The following SPAG16 variants were observed in gnomAD, a reference collection of about 807,000 sequenced individuals.
SPAG16 encodes the protein sperm associated antigen 16, also known as sperm-associated antigen 16 protein.
A neutral mutation model predicts 80.4 loss-of-function variants in SPAG16; 86 were observed. That is an observed-to-expected ratio of 1.07 (90% CI 0.90 to 1.28). The LOEUF (loss-of-function observed/expected upper bound fraction) is 1.28. Ranked by LOEUF, SPAG16 falls within the 50% of genes most tolerant of loss-of-function variation. The probability of loss-of-function intolerance (pLI) is 0.00; values close to 1 mark genes in which losing one functional copy is unlikely to be tolerated. For synonymous variants in SPAG16, 294 were observed against 265.9 expected, an observed-to-expected ratio of 1.11 and a Z score of -1.03; for missense variants, 870 against 765.3, an observed-to-expected ratio of 1.14 and a Z score of -1.61.
intron 10 of SPAG16, among the ~76,000 whole-genome samples, chr2:213,580,595 A>G (rs1446335487): frequency 6.6e-6 from 1 of 152,154 alleles, no homozygotes; most frequent in East Asian, 1.9e-4. Flanking sequence ...AACAATGGAT[A>G]CAGTGCTATC....
intron 15 of SPAG16, chr2:214,249,906 G>C (rs1350280445): frequency 6.6e-6 from 1 of 152,130 alleles, no homozygotes; most frequent in East Asian, 1.9e-4. Context: ...GCTTTAGCCT[G>C]ATGAAAGTTT....
At chr2:213,475,524 C>A (rs1451208086) in intron 9 of SPAG16, among the ~76,000 whole-genome samples, 1 of 152,152 alleles carries the variant, frequency 6.6e-6, no homozygotes, top group Non-Finnish European at 1.5e-5. Context: ...CCTTGCTAAT[C>A]TTGAATTTGA....
intron 11 of SPAG16, among the ~76,000 whole-genome samples, chr2:213,904,320 G>T (rs1481474805): frequency 3.9e-5 from 6 of 152,136 alleles, no homozygotes; most frequent in African/African-American, 1.4e-4. Context: ...TGGCTGGGGA[G>T]GCCTCAGAAT....
At chr2:214,061,981 GCACACACACACACACACACACA>G (rs58582439) in intron 13 of SPAG16, among the ~76,000 whole-genome samples, 2 of 111,538 alleles carry the variant, frequency 1.8e-5, no homozygotes, top group African/African-American at 6.9e-5. Flanking sequence ...ATAAAAGCAT[GCACACACACACACACACACACA>G]CACACACACA....
At chr2:214,284,797 CTGTGTGTGTGTGTG>C (rs34221048) in intron 15 of SPAG16, among the ~76,000 whole-genome samples, 15,141 of 149,696 alleles carry the variant, frequency 0.1, 820 homozygotes, top group Middle Eastern at 0.14. Flanking sequence ...ATATTTTACT[CTGTGTGTGTGTGTG>C]TGTGTGTGTG....
intron 13 of SPAG16, among the ~76,000 whole-genome samples, chr2:214,088,284 G>A (rs1157819317): frequency 2.0e-5 from 3 of 151,946 alleles, no homozygotes; most frequent in Non-Finnish European, 1.5e-5. Context: ...ATGGTATTCT[G>A]AAGAAAGTGC....
intron 14 of SPAG16, among the ~76,000 whole-genome samples, chr2:214,146,109 A>T (rs1256956838): frequency 6.6e-6 from 1 of 152,170 alleles, no homozygotes; most frequent in African/African-American, 2.4e-5. Flanking sequence ...ATCTTTAAAA[A>T]CATTTTCTTT....
Position 213,732,653 on chromosome 2 carries a change from G to A in SPAG16, c.1071-129832G>A, listed in dbSNP as rs79082788. ...ATAGCATTGAATGAATCTGTAAATT[G>A]TTTTGGGGACTATGGCCATTTTCAC... On this transcript the variant is annotated intron_variant, in intron 10 of 15. Transcript: ENST00000331683. 3.3e-3 allele frequency among the ~76,000 whole-genome samples: 499 copies of A among 152,226 alleles called. 11 individuals are homozygous for A. In the East Asian group the frequency reaches 0.04, roughly 12 times the overall value.
At chr2:213,646,057 A>G (rs2062810150) in intron 10 of SPAG16, among the ~76,000 whole-genome samples, 2 of 152,210 alleles carry the variant, frequency 1.3e-5, no homozygotes, top group East Asian at 3.9e-4. Flanking sequence ...AGTGCCTCAC[A>G]ATTGCTGTGC....
At chr2:213,305,963 C>G (rs1034332739) in intron 3 of SPAG16, among the ~76,000 whole-genome samples, 1 of 152,084 alleles carries the variant, frequency 6.6e-6, no homozygotes, top group African/African-American at 2.4e-5. Context: ...AGCAGTGAAG[C>G]CATTGTGTCC....
chr2:214,302,593 G>A (rs1327026029), intron 15 of SPAG16, among the ~76,000 whole-genome samples: 1 of 152,240 alleles, frequency 6.6e-6, no homozygotes, highest in Middle Eastern at 3.4e-3. Context: ...CGATTCTCCT[G>A]CCTCAGCCTC....
chr2:214,222,185 C>T (rs1241663946), intron 15 of SPAG16, among the ~76,000 whole-genome samples: 3 of 142,760 alleles, frequency 2.1e-5, no homozygotes, highest in East Asian at 2.1e-4. Context: ...GGCACAATCT[C>T]GGCTCACTGC....
chr2:213,958,620 A>G (rs1450767646), intron 12 of SPAG16, among the ~76,000 whole-genome samples: 1 of 152,216 alleles, frequency 6.6e-6, no homozygotes, highest in Non-Finnish European at 1.5e-5. Context: ...TTATATCTTT[A>G]CATATAATGT....
chr2:213,344,868 T>C (rs2064886251), intron 6 of SPAG16, among the ~76,000 whole-genome samples: 1 of 152,256 alleles, frequency 6.6e-6, no homozygotes, highest in Non-Finnish European at 1.5e-5. Flanking sequence ...TATAGCAGCA[T>C]GATTTATAAT....
chr2:213,835,836 A>G (rs2125737815), intron 10 of SPAG16, among the ~76,000 whole-genome samples: 2 of 152,292 alleles, frequency 1.3e-5, no homozygotes, highest in African/African-American at 4.8e-5. Flanking sequence ...TTATTTTAAT[A>G]TCAAAAGGTT....
intron 15 of SPAG16, among the ~76,000 whole-genome samples, chr2:214,268,415 C>T (rs1240957795): frequency 1.3e-5 from 2 of 151,824 alleles, no homozygotes; most frequent in Non-Finnish European, 2.9e-5. Context: ...TCCATCAGTG[C>T]ATGAATGGAT....
At chr2:214,040,063 A>G (rs1468490257) in intron 13 of SPAG16, among the ~76,000 whole-genome samples, 2 of 152,188 alleles carry the variant, frequency 1.3e-5, no homozygotes, top group African/African-American at 2.4e-5. Flanking sequence ...GACATGGAAA[A>G]AACCTGAAAA....
chr2:213,294,840 A>G (rs886745649), intron 1 of SPAG16, among the ~76,000 whole-genome samples: 44 of 152,198 alleles, frequency 2.9e-4, no homozygotes, highest in African/African-American at 1.1e-3. Flanking sequence ...GCAATATAAT[A>G]TGGTGAAACC....
chr2:213,529,281 T>C (rs1404676766), intron 10 of SPAG16, among the ~76,000 whole-genome samples: 2 of 152,204 alleles, frequency 1.3e-5, no homozygotes, highest in African/African-American at 4.8e-5. Flanking sequence ...GAATAAATTG[T>C]GGTCTGCTGG....
Sources: gnomAD v4.1 joint callset for allele counts (sites outside exome capture counted in the v4.1 genomes callset) on GRCh38, gnomAD v4.1.1 for gene constraint, MANE v1.5 for transcripts, NCBI Gene and HGNC (gene_info 2026-07-23, HGNC 2026-07-21) for gene names.